The following KIF16B variants were observed in gnomAD, a reference collection of about 807,000 sequenced individuals.
KIF16B encodes the protein kinesin family member 16B.
A neutral mutation model predicts 156.3 loss-of-function variants in KIF16B; 98 were observed. The ratio of observed to expected loss-of-function variants is 0.63; its 90% CI spans 0.53 to 0.74. The LOEUF (loss-of-function observed/expected upper bound fraction) is 0.74. Among genes scored for constraint, KIF16B ranks in the 30% least tolerant of loss-of-function variants. The probability of loss-of-function intolerance (pLI) is 0.00; values close to 1 mark genes in which losing one functional copy is unlikely to be tolerated. For missense variants in KIF16B, 1,421 were observed against 1,606.5 expected (o/e 0.88, Z 1.97); for synonymous variants, 564 against 583.7 (o/e 0.97, Z 0.49).
At chr20:16,366,653 C>T (rs2064673600) in intron 22 of KIF16B, among the ~76,000 whole-genome samples, 1 of 152,188 alleles carries the variant, frequency 6.6e-6, no homozygotes, top group Admixed American at 6.5e-5. Flanking sequence ...TCCCCGGGTC[C>T]TCATAGGAAG....
chr20:16,385,643 G>T (rs1370900004), intron 17 of KIF16B, among the ~76,000 whole-genome samples: 1 of 152,226 alleles, frequency 6.6e-6, no homozygotes, highest in East Asian at 1.9e-4. Flanking sequence ...ATCGAGGGCT[G>T]AGTGTTGCCT....
At chr20:16,542,537 A>G (rs139865078) in intron 1 of KIF16B, among the ~76,000 whole-genome samples, 612 of 152,344 alleles carry the variant, frequency 4.0e-3, no homozygotes, top group Admixed American at 8.2e-3. Context: ...GAAGGCAAGC[A>G]GCCAGAAAAG....
chr20:16,306,054 C>T (rs1384101607), intron 25 of KIF16B, among the ~76,000 whole-genome samples: 1 of 152,152 alleles, frequency 6.6e-6, no homozygotes, highest in African/African-American at 2.4e-5. Context: ...GAACAAAGCC[C>T]TGCTTTCCTG....
chr20:16,449,458 A>G (rs2067021760), intron 12 of KIF16B, among the ~76,000 whole-genome samples: 1 of 152,192 alleles, frequency 6.6e-6, no homozygotes, highest in African/African-American at 2.4e-5. Flanking sequence ...ATAGTTCTTC[A>G]CTCACATAGT....
chr20:16,543,877 G>A (rs965979705), intron 1 of KIF16B, among the ~76,000 whole-genome samples: 1 of 152,156 alleles, frequency 6.6e-6, no homozygotes, highest in Non-Finnish European at 1.5e-5. Flanking sequence ...TCCCACTACA[G>A]AGTCAGCATT....
chr20:16,367,115 A>T (rs758246551), intron 22 of KIF16B: 4 of 1,523,708 alleles, frequency 2.6e-6, no homozygotes, highest in Non-Finnish European at 3.5e-6. Flanking sequence ...GATCTCAAAA[A>T]ACATGTAGTG....
chr20:16,294,430 T>C (rs540240877), intron 25 of KIF16B, among the ~76,000 whole-genome samples: 1 of 152,290 alleles, frequency 6.6e-6, no homozygotes, highest in East Asian at 1.9e-4. Flanking sequence ...CAAAGGGGTG[T>C]TGCTGAGCAG....
chr20:16,507,876 A>G lies in KIF16B; in HGVS notation c.699+82T>C, dbSNP rs1431327790. On this transcript the variant is annotated intron_variant, in intron 7 of 25. Transcript: ENST00000354981. ...TTTACCTGCTGCTGCTCCTGGTTCA[A>G]CAATGATCAGTCCTCAGCTGGTGCT... is the stretch of plus-strand genomic sequence containing the variant. The G allele has an allele frequency of 5.5e-6, 8 of 1,457,590 alleles. No homozygotes were observed. In the African/African-American group the frequency reaches 8.5e-5, roughly 15 times the overall value. 90.3% of individuals were successfully genotyped at this position (1,457,590 alleles called of 1,614,324 possible). A position where few individuals can be genotyped will look rare whatever the true frequency, so the allele number is the denominator to read the frequency against.
chr20:16,573,422 A>G lies in KIF16B; in HGVS notation c.-147T>C, dbSNP rs4814510. On this transcript the variant is annotated 5_prime_UTR_variant, in exon 1 of 26. Transcript: ENST00000354981. The stretch of plus-strand genomic sequence containing the variant: ...CCGGCCGGACCTGGAGTTCCGCGGC[A>G]GCCCCACCTGCCAGGCCACTGAGCA... 0.76 allele frequency: 637,397 copies of G among 835,414 alleles called. 244,489 individuals carry two copies. Among genetic ancestry groups the G allele is most frequent in the African/African-American group, 0.92 (53,095 of 57,818 alleles). The allele number at this position is 835,414 out of a possible 1,614,324, so 51.8% of individuals were successfully genotyped here. A position where few individuals can be genotyped will look rare whatever the true frequency, so the allele number is the denominator to read the frequency against.
chr20:16,317,128 C>A (rs1421639496), intron 24 of KIF16B, among the ~76,000 whole-genome samples: 1 of 152,034 alleles, frequency 6.6e-6, no homozygotes, highest in East Asian at 1.9e-4. Context: ...TGAACATTTT[C>A]ATTCCCTCTC....
chr20:16,423,904 C>A (rs2066286424), intron 15 of KIF16B, among the ~76,000 whole-genome samples: 1 of 152,090 alleles, frequency 6.6e-6, no homozygotes. Context: ...GCTGTCAGCA[C>A]TAGAGCCTGT....
intron 22 of KIF16B, chr20:16,367,648 T>G (rs775012693): frequency 1.2e-6 from 2 of 1,612,582 alleles, no homozygotes; most frequent in African/African-American, 2.7e-5. Context: ...GTAAATCATG[T>G]CAACCAAGGT....
intron 2 of KIF16B, among the ~76,000 whole-genome samples, chr20:16,526,731 G>A (rs905805973): frequency 7.2e-5 from 11 of 152,106 alleles, no homozygotes; most frequent in East Asian, 1.9e-4. Context: ...AGTTTATTGC[G>A]GATGTTTGCA....
chr20:16,395,626 A>G (rs1429462989), intron 17 of KIF16B, among the ~76,000 whole-genome samples: 1 of 151,696 alleles, frequency 6.6e-6, no homozygotes, highest in Non-Finnish European at 1.5e-5. Flanking sequence ...TGCTAATCTC[A>G]TAGAGCATTC....
chr20:16,302,410 C>T (rs1390245198), intron 25 of KIF16B, among the ~76,000 whole-genome samples: 1 of 152,172 alleles, frequency 6.6e-6, no homozygotes, highest in Non-Finnish European at 1.5e-5. Flanking sequence ...ATTGCCTTTG[C>T]TCCTTTGCAA....
At chr20:16,506,324 T>A in intron 7 of KIF16B, 134 bp from the exon 8 acceptor site, 1 of 710,810 alleles carries the variant, frequency 1.4e-6, no homozygotes, top group Non-Finnish European at 2.3e-6. Context: ...ATTGTTTTAC[T>A]GGCCTTCCTA....
intron 12 of KIF16B, among the ~76,000 whole-genome samples, chr20:16,457,378 A>C (rs1374637877): frequency 1.3e-5 from 2 of 152,238 alleles, no homozygotes; most frequent in Non-Finnish European, 2.9e-5. Flanking sequence ...CTCTCCCCGA[A>C]AACCATACTC....
chr20:16,337,222 C>T (rs1226977277), intron 23 of KIF16B, among the ~76,000 whole-genome samples: 1 of 152,136 alleles, frequency 6.6e-6, no homozygotes, highest in East Asian at 1.9e-4. Flanking sequence ...TTAACTTGCA[C>T]ATAAGGGAAA....
chr20:16,535,357 T>C (rs2069918825), intron 1 of KIF16B, among the ~76,000 whole-genome samples: 1 of 152,244 alleles, frequency 6.6e-6, no homozygotes, highest in South Asian at 2.1e-4. Context: ...TGCAACTTTA[T>C]TAAATTCATT....
Sources: gnomAD v4.1 joint callset for allele counts (sites outside exome capture counted in the v4.1 genomes callset) on GRCh38, gnomAD v4.1.1 for gene constraint, MANE v1.5 for transcripts, NCBI Gene and HGNC (gene_info 2026-07-23, HGNC 2026-07-21) for gene names.